Variants in RP1 observed in about 807,000 individuals in gnomAD.
RP1 encodes oxygen-regulated protein 1.
In RP1, 16 loss-of-function variants were observed where a neutral mutation model predicts 14.8. That is an observed-to-expected ratio of 1.08 (90% CI 0.73 to 1.65). The LOEUF (loss-of-function observed/expected upper bound fraction) is 1.65. Ranked by LOEUF, RP1 falls within the 40% of genes most tolerant of loss-of-function variation. The pLI is 0.00. For missense variants in RP1, 2,631 were observed against 2,535.0 expected (o/e 1.04, Z -0.81); for synonymous variants, 876 against 883.6 (o/e 0.99, Z 0.15).
exon 15 of RP1, chr8:54,706,468 T>C: frequency 6.5e-7 from 1 of 1,535,866 alleles, no homozygotes; most frequent in South Asian, 1.2e-5. Flanking sequence ...AGTGCTGTGG[T>C]TCTGCTTGCT....
At chr8:54,563,563 G>GTTTT (rs1323623992) in intron 1 of RP1, among the ~76,000 whole-genome samples, 1 of 151,678 alleles carries the variant, frequency 6.6e-6, no homozygotes, top group African/African-American at 2.4e-5. Flanking sequence ...TTGTTTGTTT[G>GTTTT]TTTGCGATGG....
At chr8:54,649,687 G>A (rs2129325324) in intron 4 of RP1, among the ~76,000 whole-genome samples, 1 of 152,300 alleles carries the variant, frequency 6.6e-6, no homozygotes, top group Non-Finnish European at 1.5e-5. Flanking sequence ...CAAGCACCTG[G>A]CACTTACAGA....
intron 22 of RP1, among the ~76,000 whole-genome samples, chr8:54,765,037 C>A (rs773737537): frequency 4.9e-4 from 74 of 152,244 alleles, no homozygotes; most frequent in Non-Finnish European, 9.1e-4. Flanking sequence ...AAGGGGGCTC[C>A]GCCTTGACGG....
In RP1 at chr8:54,628,162, A is replaced by G. The variant is rs372198758; in HGVS notation, c.4280A>G (p.Lys1427Arg). 37 of 1,614,036 alleles carry G rather than the reference A, an allele frequency of 2.3e-5. No individual in the cohort carries two copies. In the African/African-American group the frequency reaches 4.7e-4, roughly 20 times the overall value. Residue 1427 changes from lysine to arginine, a missense_variant, in exon 4 of 4, where the codon AAG becomes AGG. Physicochemically the swap from Lys to Arg is conservative, Grantham distance 26. Transcript: ENST00000220676. ...GATTTTGAAAATTGTTCACTAAGGA[A>G]GTTTCAGGATGAAAATGCATATACT... ...LDDFENCSLR[K>R]FQDENAYTSF...
intron 16 of RP1, among the ~76,000 whole-genome samples, chr8:54,720,895 A>G (rs937399437): frequency 3.3e-5 from 5 of 152,264 alleles, no homozygotes; most frequent in Admixed American, 2.6e-4. Context: ...GTGTTTGAAC[A>G]CAAAGGCTAG....
intron 24 of RP1, among the ~76,000 whole-genome samples, chr8:54,821,469 A>T (rs996745740): frequency 3.9e-5 from 6 of 152,204 alleles, no homozygotes; most frequent in African/African-American, 1.4e-4. Context: ...TCTAGTAATC[A>T]TGGGGGTTTG....
chr8:54,853,436 C>G (rs1812101328), intron 26 of RP1, among the ~76,000 whole-genome samples: 1 of 152,130 alleles, frequency 6.6e-6, no homozygotes, highest in South Asian at 2.1e-4. Flanking sequence ...CTGGATCACT[C>G]TAGGACCAGA....
chr8:54,807,305 G>C (rs533433707), intron 24 of RP1, among the ~76,000 whole-genome samples: 1 of 152,150 alleles, frequency 6.6e-6, no homozygotes, highest in South Asian at 2.1e-4. Flanking sequence ...GTCCTTCAAA[G>C]AACAAATTCT....
intron 24 of RP1, among the ~76,000 whole-genome samples, chr8:54,817,428 G>A (rs2129395511): frequency 6.6e-6 from 1 of 152,232 alleles, no homozygotes; most frequent in Admixed American, 6.5e-5. Flanking sequence ...TGAGCCAGGG[G>A]AATGTTAGGA....
chr8:54,734,679 C>CCAAT lies in RP1; in HGVS notation c.2657_2660dup (p.Ser888AsnfsTer19), dbSNP rs1314665798. ...GTATGGAGATAAAGGAGTCACTGGG[C>CCAAT]CAATAAGTCTTCGCAAGGACAGCTC... is the stretch of plus-strand genomic sequence containing the variant. On this transcript the variant is annotated frameshift_variant, in exon 18 of 23. Transcript: ENST00000636932. LOFTEE classifies it high-confidence loss of function. The CCAAT allele has an allele frequency of 2.6e-6, 4 of 1,535,564 alleles. No homozygotes were observed. The African/African-American group carries it at 5.5e-5, about 21-fold the overall frequency.
In RP1 at chr8:54,576,187, C is replaced by A. The variant is rs535024654; in HGVS notation, c.-13+16867C>A. On this transcript the variant is annotated intron_variant, in intron 1 of 22. Coordinates refer to the RP1 transcript ENST00000636932. ...TCCCGAGTAGCTGGGACTACAGGCG[C>A]GCGCCACCACGCCCGGCTAATTTTG... 7.4e-3 allele frequency among the ~76,000 whole-genome samples: 1,119 copies of A among 152,162 alleles called. 8 individuals are homozygous for A. Among genetic ancestry groups the A allele is most frequent in the African/African-American group, 0.025 (1,058 of 41,504 alleles).
chr8:54,808,902 T>A (rs1810924199), intron 24 of RP1, among the ~76,000 whole-genome samples: 1 of 152,244 alleles, frequency 6.6e-6, no homozygotes, highest in African/African-American at 2.4e-5. Flanking sequence ...TGAGGTTTGT[T>A]AAGTTCCTTA....
chr8:54,839,105 T>C (rs1811732772), intron 25 of RP1, among the ~76,000 whole-genome samples: 1 of 152,234 alleles, frequency 6.6e-6, no homozygotes, highest in African/African-American at 2.4e-5. Flanking sequence ...GCCTAGTTCT[T>C]TGACTGTTTC....
exon 23 of RP1, chr8:54,769,816 C>T (rs929810980): frequency 2.0e-6 from 3 of 1,512,248 alleles, no homozygotes; most frequent in Non-Finnish European, 2.7e-6. Context: ...ATTACTGAAA[C>T]CATCAGTAGA....
At chr8:54,577,034 T>G (rs1228824432) in intron 1 of RP1, among the ~76,000 whole-genome samples, 1 of 152,216 alleles carries the variant, frequency 6.6e-6, no homozygotes, top group African/African-American at 2.4e-5. Flanking sequence ...TTCTTTTTTT[T>G]TGAGATGGTG....
chr8:54,669,944 G>C (rs773712175), intron 7 of RP1, among the ~76,000 whole-genome samples: 21 of 152,224 alleles, frequency 1.4e-4, no homozygotes, highest in Non-Finnish European at 2.5e-4. Context: ...GAGTTAATGA[G>C]TGCAGCAAAC....
chr8:54,657,876 T>G (rs1806790555), intron 6 of RP1, among the ~76,000 whole-genome samples: 1 of 152,236 alleles, frequency 6.6e-6, no homozygotes, highest in African/African-American at 2.4e-5. Context: ...GCTCACAGTC[T>G]GTGTGAGCTA....
intron 26 of RP1, among the ~76,000 whole-genome samples, chr8:54,856,143 G>T (rs1812192623): frequency 1.3e-5 from 2 of 152,194 alleles, no homozygotes; most frequent in Admixed American, 1.3e-4. Context: ...AGACGCTGCT[G>T]AGCAAAATGG....
chr8:54,797,519 A>G (rs1232358609), intron 24 of RP1, among the ~76,000 whole-genome samples: 1 of 129,934 alleles, frequency 7.7e-6, no homozygotes, highest in Non-Finnish European at 1.6e-5. Context: ...GAACTGAGTC[A>G]CATAGGACTA....
Sources: allele counts gnomAD v4.1 joint callset (sites outside exome capture counted in the v4.1 genomes callset), GRCh38; gene constraint gnomAD v4.1.1; transcripts MANE v1.5; gene names NCBI Gene and HGNC (gene_info 2026-07-23, HGNC 2026-07-21).